The following FHIT variants were observed in gnomAD, a reference collection of about 807,000 sequenced individuals.
FHIT encodes bis(5'-adenosyl)-triphosphatase.
In FHIT, 19 loss-of-function variants were observed where a neutral mutation model predicts 17.9. The observed-to-expected ratio is 1.06, with a 90% confidence interval of 0.74 to 1.56. The LOEUF (loss-of-function observed/expected upper bound fraction) is 1.56, where lower values mean the gene tolerates loss of function less well. Among genes scored for constraint, FHIT ranks in the 40% most tolerant of loss-of-function variants. The pLI is 0.00. For synonymous variants in FHIT, 81 were observed against 69.7 expected (o/e 1.16, Z -0.81); for missense variants, 248 against 189.2 (o/e 1.31, Z -1.82).
intron 5 of FHIT, among the ~76,000 whole-genome samples, chr3:60,133,787 C>A (rs1699696837): frequency 6.7e-6 from 1 of 150,150 alleles, no homozygotes; most frequent in African/African-American, 2.5e-5. Context: ...TGACCTAAAT[C>A]TAAAAATAGA....
intron 4 of FHIT, among the ~76,000 whole-genome samples, chr3:60,639,229 TTGGAAGTTAAG>T (rs1401289616): frequency 6.6e-6 from 1 of 151,602 alleles, no homozygotes; most frequent in African/African-American, 2.4e-5. Flanking sequence ...AGAGAGAAGT[TTGGAAGTTAAG>T]GGCTATAGAA....
At position 61,037,036 on chromosome 3, in the gene FHIT, C is replaced by A. The variant is rs193130835; in HGVS notation, c.-111+5011G>T. On this transcript the variant is annotated intron_variant, in intron 3 of 9. Coordinates refer to ENST00000492590, the MANE Select transcript of FHIT (RefSeq NM_002012.4). ...ACGCCACTCTACTGCCTCAGCCTCT[C>A]GAGTACTTGGGACTACAGGCACCCG... is the stretch of plus-strand genomic sequence containing the variant. 1.3e-4 allele frequency among the ~76,000 whole-genome samples: 19 copies of A among 151,910 alleles called. No individual in the cohort carries two copies. The East Asian group carries it at 2.5e-3, about 20-fold the overall frequency.
In FHIT at chr3:59,852,212, T is replaced by C. The variant is rs139183987; in HGVS notation, c.348+70134A>G. On this transcript the variant is annotated intron_variant, in intron 8 of 9. Transcript: ENST00000492590. ...GCTCTTTAATTTTTAAACTCTTGGG[T>C]GGTGCTTTGTTCTTCGGGTAGAGAG... is the stretch of plus-strand genomic sequence containing the variant. 7.0e-3 allele frequency among the ~76,000 whole-genome samples: 1,064 copies of C among 152,208 alleles called. 8 individuals carry two copies. The highest frequency in any genetic ancestry group is 0.024 in the African/African-American group (1,002 of 41,518).
intron 3 of FHIT, among the ~76,000 whole-genome samples, chr3:60,876,974 A>G (rs1052657642): frequency 3.9e-5 from 6 of 152,144 alleles, no homozygotes; most frequent in Non-Finnish European, 8.8e-5. Context: ...AACTTTCCCT[A>G]TAGGAAAAAG....
intron 6 of FHIT, among the ~76,000 whole-genome samples, chr3:60,012,728 T>G (rs571918957): frequency 1.1e-4 from 16 of 152,340 alleles, no homozygotes; most frequent in African/African-American, 3.8e-4. Context: ...AATATGTATC[T>G]TACTGTAGGT....
chr3:59,794,529 C>G (rs184609428), intron 8 of FHIT, among the ~76,000 whole-genome samples: 1 of 152,160 alleles, frequency 6.6e-6, no homozygotes, highest in African/African-American at 2.4e-5. Flanking sequence ...AAACATCAGG[C>G]CCTGTGCAGG....
chr3:60,507,937 G>T (rs899759121), intron 5 of FHIT, among the ~76,000 whole-genome samples: 1 of 152,152 alleles, frequency 6.6e-6, no homozygotes, highest in African/African-American at 2.4e-5. Flanking sequence ...TGAGCATTTA[G>T]GTTGATTCTA....
At chr3:60,035,359 C>T (rs996177322) in intron 5 of FHIT, among the ~76,000 whole-genome samples, 1 of 152,176 alleles carries the variant, frequency 6.6e-6, no homozygotes, top group African/African-American at 2.4e-5. Flanking sequence ...GCCTCAGCCT[C>T]CCGAGTAGCT....
At chr3:60,436,719 C>A (rs1359236841) in intron 5 of FHIT, among the ~76,000 whole-genome samples, 6 of 152,046 alleles carry the variant, frequency 3.9e-5, no homozygotes, top group Non-Finnish European at 8.8e-5. Context: ...ATATTCTAAG[C>A]AACATACGCT....
intron 4 of FHIT, among the ~76,000 whole-genome samples, chr3:60,762,836 T>C (rs1472095613): frequency 6.6e-6 from 1 of 152,214 alleles, no homozygotes; most frequent in Non-Finnish European, 1.5e-5. Context: ...AGTCTGCTTT[T>C]GGACTTGAGT....
chr3:60,424,311 C>G (rs142995308), intron 5 of FHIT, among the ~76,000 whole-genome samples: 12 of 152,132 alleles, frequency 7.9e-5, no homozygotes, highest in Non-Finnish European at 1.5e-4. Flanking sequence ...AAAATACTGG[C>G]TAATATCGGA....
At chr3:59,922,454 C>G (rs1490620240) in intron 7 of FHIT, 40 bp from the exon 8 acceptor site, 6 of 1,540,832 alleles carry the variant, frequency 3.9e-6, no homozygotes, top group Non-Finnish European at 5.4e-6. Context: ...TGATTATCTC[C>G]CCATGTATTT....
intron 3 of FHIT, among the ~76,000 whole-genome samples, chr3:60,950,714 G>A (rs1708841962): frequency 6.6e-6 from 1 of 151,678 alleles, no homozygotes; most frequent in Non-Finnish European, 1.5e-5. Flanking sequence ...GTACAGATGG[G>A]GTTTCACCAT....
At chr3:60,117,915 C>G (rs572631229) in intron 5 of FHIT, among the ~76,000 whole-genome samples, 1 of 152,248 alleles carries the variant, frequency 6.6e-6, no homozygotes, top group South Asian at 2.1e-4. Flanking sequence ...ATGAGGCTGT[C>G]AGGCACCAGT....
intron 2 of FHIT, among the ~76,000 whole-genome samples, chr3:61,064,202 T>G (rs1378163820): frequency 2.0e-5 from 3 of 150,934 alleles, no homozygotes; most frequent in Non-Finnish European, 4.4e-5. Context: ...TAAGAGACTT[T>G]AAGGAAAGAT....
chr3:60,960,470 C>T (rs184725935), intron 3 of FHIT, among the ~76,000 whole-genome samples: 4 of 152,142 alleles, frequency 2.6e-5, no homozygotes, highest in Non-Finnish European at 5.9e-5. Flanking sequence ...ATGTGCACAA[C>T]GTGCAGGTTT....
At chr3:60,548,848 C>T (rs1268891351) in intron 4 of FHIT, among the ~76,000 whole-genome samples, 1 of 152,230 alleles carries the variant, frequency 6.6e-6, no homozygotes, top group Admixed American at 6.5e-5. Flanking sequence ...AATTCCTATA[C>T]TTCATCATAC....
At chr3:59,896,467 T>C (rs772461658) in intron 8 of FHIT, among the ~76,000 whole-genome samples, 2 of 152,168 alleles carry the variant, frequency 1.3e-5, no homozygotes, top group Non-Finnish European at 1.5e-5. Context: ...ATCAGAATAA[T>C]AGAGGGTAGT....
chr3:60,960,317 T>C (rs1709359881), intron 3 of FHIT, among the ~76,000 whole-genome samples: 1 of 152,184 alleles, frequency 6.6e-6, no homozygotes, highest in African/African-American at 2.4e-5. Flanking sequence ...ATCTGACGTC[T>C]AAAGAGCACT....
Sources: gnomAD v4.1 joint callset for allele counts (sites outside exome capture counted in the v4.1 genomes callset) on GRCh38, gnomAD v4.1.1 for gene constraint, MANE v1.5 for transcripts, NCBI Gene and HGNC (gene_info 2026-07-23, HGNC 2026-07-21) for gene names.